The following VWA3B variants were observed in gnomAD, a reference collection of about 807,000 sequenced individuals.
The protein encoded by VWA3B is von Willebrand factor A domain-containing protein 3B.
VWA3B carries 138 observed loss-of-function variants against 158.3 expected under a neutral mutation model. The observed-to-expected ratio is 0.87, with a 90% CI of 0.76 to 1.00. VWA3B has a LOEUF of 1.00. VWA3B is among the 50% of genes least tolerant of loss of function. VWA3B has a pLI of 0.00. For missense variants in VWA3B, 1,555 were observed against 1,565.1 expected (o/e 0.99, Z 0.11); for synonymous variants, 596 against 587.3 (o/e 1.01, Z -0.21).
chr2:98,310,992 A>C (rs1690853123), intron 26 of VWA3B, among the ~76,000 whole-genome samples: 3 of 152,240 alleles, frequency 2.0e-5, no homozygotes, highest in Admixed American at 6.5e-5. Context: ...TTTCCCTGAC[A>C]ATTTCCAAAA....
intron 8 of VWA3B, among the ~76,000 whole-genome samples, chr2:98,176,191 T>A (rs999664604): frequency 9.9e-5 from 15 of 152,150 alleles, no homozygotes; most frequent in Non-Finnish European, 1.3e-4. Context: ...ACAGTTGTTA[T>A]GTTTCTCCCT....
At chr2:98,120,491 A>C (rs1674876951) in intron 4 of VWA3B, among the ~76,000 whole-genome samples, 1 of 152,232 alleles carries the variant, frequency 6.6e-6, no homozygotes, top group Non-Finnish European at 1.5e-5. Context: ...TTACTGAAGG[A>C]ATCAAGTGCT....
Position 98,234,696 on chromosome 2 carries a change from G to T in VWA3B, c.2357G>T (p.Ser786Ile), listed in dbSNP as rs1272343265. The change falls in exon 17 of 28, where the codon AGC becomes ATC. Residue 786 changes from serine to isoleucine, a missense_variant. Coordinates refer to ENST00000477737, the MANE Select transcript of VWA3B (RefSeq NM_144992.5). ...AGAAGCCAGATGTCCTCCCTCAGGA[G>T]CTCAGCTTGCAGTGAAAGGAAGGAT... ...LLRSQMSSLR[S>I]SACSERKDGL... 1.9e-6 allele frequency: 3 copies of T among 1,614,064 alleles called. No individual in the cohort carries two copies. Among genetic ancestry groups the T allele is most frequent in the Admixed American group, 1.7e-5 (1 of 60,008 alleles).
intron 21 of VWA3B, among the ~76,000 whole-genome samples, chr2:98,266,765 C>G (rs1449244273): frequency 8.3e-6 from 1 of 120,056 alleles, no homozygotes; most frequent in South Asian, 3.2e-4. Context: ...CCTTCACATC[C>G]CTTGTAAGTT....
chr2:98,107,289 A>G (rs569526323), intron 2 of VWA3B, among the ~76,000 whole-genome samples: 1 of 152,010 alleles, frequency 6.6e-6, no homozygotes, highest in Non-Finnish European at 1.5e-5. Context: ...ATTGGTCTGC[A>G]GTTTTCTCTT....
intron 3 of VWA3B, among the ~76,000 whole-genome samples, chr2:98,119,083 C>T (rs549748783): frequency 2.8e-4 from 42 of 152,222 alleles, no homozygotes; most frequent in African/African-American, 8.9e-4. Flanking sequence ...TAGAGGAAGC[C>T]AGGAAGGTGT....
At chr2:98,303,620 TG>T (rs1408589166) in intron 25 of VWA3B, 81 bp from the exon 26 acceptor site, 1 of 1,301,918 alleles carries the variant, frequency 7.7e-7, no homozygotes, top group African/African-American at 1.5e-5. Flanking sequence ...GCTATTATAA[TG>T]GGTTGAGCTA....
At chr2:98,123,048 C>T (rs1187705639) in intron 5 of VWA3B, among the ~76,000 whole-genome samples, 1 of 152,132 alleles carries the variant, frequency 6.6e-6, no homozygotes, top group South Asian at 2.1e-4. Context: ...ATAAAAATGC[C>T]GTGTCCTATG....
the VWA3B span, among the ~76,000 whole-genome samples, chr2:98,329,572 A>T: frequency 6.6e-6 from 1 of 152,256 alleles, no homozygotes; most frequent in South Asian, 2.1e-4. Flanking sequence ...TGAAGAGTAG[A>T]TCTCCATCAT....
intron 22 of VWA3B, among the ~76,000 whole-genome samples, chr2:98,271,105 G>GAAA (rs11364249): frequency 6.8e-6 from 1 of 147,160 alleles, no homozygotes. Context: ...TCTTTTAATT[G>GAAA]AAAAAAAAAA....
At chr2:98,134,502 G>C (rs754872064) in intron 7 of VWA3B, among the ~76,000 whole-genome samples, 16 of 152,168 alleles carry the variant, frequency 1.1e-4, no homozygotes, top group Non-Finnish European at 2.1e-4. Flanking sequence ...CTGTGATTCA[G>C]AAAAACAGTG....
intron 20 of VWA3B, 119 bp from the exon 21 acceptor site, chr2:98,256,005 T>G (rs1045822699): frequency 9.5e-7 from 1 of 1,056,244 alleles, no homozygotes; most frequent in Non-Finnish European, 1.4e-6. Flanking sequence ...CACATGACAG[T>G]GGCCTGGCTC....
At chr2:98,248,821 CTTTTTCTTTCTT>C (rs1558724019) in intron 19 of VWA3B, among the ~76,000 whole-genome samples, 1 of 145,900 alleles carries the variant, frequency 6.9e-6, no homozygotes, top group Non-Finnish European at 1.5e-5. Context: ...CTTTCTCTTT[CTTTTTCTTTCTT>C]TCTTTCTTTC....
intron 2 of VWA3B, among the ~76,000 whole-genome samples, chr2:98,106,130 T>A (rs1447759960): frequency 1.3e-5 from 2 of 152,152 alleles, no homozygotes; most frequent in East Asian, 1.9e-4. Context: ...TTAGCCAGTA[T>A]GGTCTCGATC....
At chr2:98,268,717 G>A (rs1688017492) in intron 21 of VWA3B, among the ~76,000 whole-genome samples, 2 of 149,194 alleles carry the variant, frequency 1.3e-5, no homozygotes, top group African/African-American at 4.9e-5. Context: ...ATATTAAGGA[G>A]ACTATATATT....
intron 1 of VWA3B, among the ~76,000 whole-genome samples, chr2:98,092,241 C>G (rs969887752): frequency 6.6e-6 from 1 of 152,172 alleles, no homozygotes; most frequent in African/African-American, 2.4e-5. Flanking sequence ...CCTCATTGGG[C>G]ACAAAATGTC....
chr2:98,133,777 G>C, intron 6 of VWA3B, 47 bp from the exon 7 acceptor site: 2 of 1,544,438 alleles, frequency 1.3e-6, no homozygotes, highest in Non-Finnish European at 8.9e-7. Context: ...AAGCATGCAC[G>C]GACACCTGCG....
intron 13 of VWA3B, among the ~76,000 whole-genome samples, chr2:98,215,879 C>G (rs1339739219): frequency 1.4e-5 from 2 of 145,566 alleles, no homozygotes; most frequent in African/African-American, 2.5e-5. Context: ...TTTCGACACA[C>G]GTGGTCTATT....
At chr2:98,307,755 C>G (rs1690616151) in intron 26 of VWA3B, among the ~76,000 whole-genome samples, 1 of 152,220 alleles carries the variant, frequency 6.6e-6, no homozygotes, top group South Asian at 2.1e-4. Flanking sequence ...CTGATGCTTT[C>G]TTCACAGGCT....
Sources: allele counts gnomAD v4.1 joint callset (sites outside exome capture counted in the v4.1 genomes callset), GRCh38; gene constraint gnomAD v4.1.1; transcripts MANE v1.5; gene names NCBI Gene and HGNC (gene_info 2026-07-23, HGNC 2026-07-21).